Variants in PRUNE2 observed in about 807,000 individuals in gnomAD.
PRUNE2 encodes protein prune homolog 2.
A neutral mutation model predicts 252.0 loss-of-function variants in PRUNE2; 164 were observed. That is an observed-to-expected ratio of 0.65 (90% CI 0.57 to 0.74). PRUNE2 has a LOEUF of 0.74. Among genes scored for constraint, PRUNE2 ranks in the 30% least tolerant of loss-of-function variants. The pLI is 0.00. For missense variants in PRUNE2, 3,495 were observed against 3,711.0 expected (o/e 0.94, Z 1.51); for synonymous variants, 1,292 against 1,350.2 (o/e 0.96, Z 0.94).
intron 6 of PRUNE2, among the ~76,000 whole-genome samples, chr9:76,768,326 G>C (rs1035176251): frequency 2.0e-5 from 3 of 152,108 alleles, no homozygotes; most frequent in Non-Finnish European, 2.9e-5. Flanking sequence ...CCAAGTAGCT[G>C]GGATTACAGG....
Position 76,710,920 on chromosome 9 carries a change from C to G in PRUNE2, c.1354G>C (p.Val452Leu), listed in dbSNP as rs199800498. 1.9e-6 allele frequency: 3 copies of G among 1,561,740 alleles called. No individual in the cohort carries two copies. In the African/African-American group the frequency reaches 4.1e-5, roughly 21 times the overall value. The change falls in exon 8 of 19, where the codon GTG (valine) becomes CTG (leucine). Residue 452 changes from valine to leucine, a missense_variant. By Grantham distance (32) the Val-to-Leu change is conservative. Coordinates refer to ENST00000376718, the MANE Select transcript of PRUNE2 (RefSeq NM_015225.3). ...TGGTGAGGCCCAGCACCTTCTCCCACGGGGCTGTCGTCACTGAGGAAAACA... is the reference window on the plus strand; with the variant it reads ...TGGTGAGGCCCAGCACCTTCTCCCAGGGGGCTGTCGTCACTGAGGAAAACA... ...SSVFLSDDSP[V>L]GEGAGPHHTL...
intron 9 of PRUNE2, among the ~76,000 whole-genome samples, chr9:76,701,156 G>A (rs1410138796): frequency 1.3e-5 from 2 of 152,152 alleles, no homozygotes; most frequent in Non-Finnish European, 2.9e-5. Flanking sequence ...CTGAGTCGGA[G>A]CCGATAATTT....
chr9:76,683,013 C>A (rs896038478), intron 9 of PRUNE2, among the ~76,000 whole-genome samples: 6 of 152,182 alleles, frequency 3.9e-5, no homozygotes, highest in Non-Finnish European at 7.3e-5. Flanking sequence ...TAATAGTTAG[C>A]CCAGTGTCCT....
At chr9:76,753,430 T>C (rs1223378337) in intron 6 of PRUNE2, among the ~76,000 whole-genome samples, 1 of 152,178 alleles carries the variant, frequency 6.6e-6, no homozygotes, top group East Asian at 1.9e-4. Flanking sequence ...GGCCTGTGTT[T>C]TCTACTGCAA....
intron 9 of PRUNE2, among the ~76,000 whole-genome samples, chr9:76,680,362 C>A (rs1040390651): frequency 2.6e-5 from 4 of 151,944 alleles, no homozygotes; most frequent in Admixed American, 2.0e-4. Context: ...AAAAAACAAA[C>A]AAACAAAAAA....
At chr9:76,733,225 G>A (rs529058828) in intron 6 of PRUNE2, among the ~76,000 whole-genome samples, 11 of 152,216 alleles carry the variant, frequency 7.2e-5, no homozygotes, top group African/African-American at 2.6e-4. Context: ...AAAACAGATG[G>A]CAACATCTTC....
chr9:76,792,165 T>C (rs1293576526), intron 6 of PRUNE2, among the ~76,000 whole-genome samples: 2 of 151,962 alleles, frequency 1.3e-5, no homozygotes, highest in Non-Finnish European at 2.9e-5. Flanking sequence ...AGGGGCCTGG[T>C]GGGAGGTAAT....
chr9:76,723,824 T>TC (rs2047852562), intron 6 of PRUNE2, among the ~76,000 whole-genome samples: 1 of 151,462 alleles, frequency 6.6e-6, no homozygotes, highest in South Asian at 2.1e-4. Context: ...TTTTTTTTTT[T>TC]TGAGATGGAG....
chr9:76,781,193 A>G (rs975370753), intron 6 of PRUNE2, among the ~76,000 whole-genome samples: 3 of 152,136 alleles, frequency 2.0e-5, no homozygotes, highest in Admixed American at 6.5e-5. Context: ...CTTTATTTGC[A>G]TTGTTACCTG....
At chr9:76,768,597 G>GTC (rs2052723535) in intron 6 of PRUNE2, among the ~76,000 whole-genome samples, 1 of 148,516 alleles carries the variant, frequency 6.7e-6, no homozygotes, top group African/African-American at 2.6e-5. Flanking sequence ...GTGTGTGTGT[G>GTC]TGTGTGTGTG....
intron 6 of PRUNE2, among the ~76,000 whole-genome samples, chr9:76,819,702 G>A (rs1207118650): frequency 2.6e-5 from 4 of 152,144 alleles, no homozygotes; most frequent in Admixed American, 6.5e-5. Flanking sequence ...GAGTAAAGAC[G>A]CTAATAATGA....
At chr9:76,716,636 TA>T (rs1285830777) in intron 6 of PRUNE2, among the ~76,000 whole-genome samples, 1 of 152,228 alleles carries the variant, frequency 6.6e-6, no homozygotes, top group East Asian at 1.9e-4. Flanking sequence ...TCTTTTTCTT[TA>T]TTTTTTTTTC....
At chr9:76,844,471 A>G (rs150069624) in intron 4 of PRUNE2, among the ~76,000 whole-genome samples, 3,113 of 152,270 alleles carry the variant, frequency 0.02, 45 homozygotes, top group Non-Finnish European at 0.032. Context: ...TGCTTTTCCT[A>G]CAGCCTACAG....
At chr9:76,839,260 CAGG>C (rs1423036374) in intron 4 of PRUNE2, among the ~76,000 whole-genome samples, 13 of 152,250 alleles carry the variant, frequency 8.5e-5, no homozygotes, top group African/African-American at 2.9e-4. Context: ...TACTCTGTGC[CAGG>C]TACTGTTCTA....
chr9:76,760,856 T>G (rs2051648404), intron 6 of PRUNE2, among the ~76,000 whole-genome samples: 1 of 151,756 alleles, frequency 6.6e-6, no homozygotes, highest in Admixed American at 6.6e-5. Context: ...GAGGTGGAGG[T>G]GGGTGGATCA....
intron 1 of PRUNE2, among the ~76,000 whole-genome samples, chr9:76,867,191 C>T (rs1379979960): frequency 2.0e-5 from 3 of 151,658 alleles, no homozygotes; most frequent in African/African-American, 7.3e-5. Flanking sequence ...TCTCCCACAA[C>T]ACCATCAACC....
chr9:76,841,560 C>A (rs1343599037), intron 4 of PRUNE2, among the ~76,000 whole-genome samples: 1 of 152,212 alleles, frequency 6.6e-6, no homozygotes. Context: ...AAGCTAAGAT[C>A]CACTGGCTTG....
intron 6 of PRUNE2, among the ~76,000 whole-genome samples, chr9:76,745,192 G>A (rs926563437): frequency 2.0e-5 from 3 of 152,062 alleles, no homozygotes; most frequent in East Asian, 1.9e-4. Flanking sequence ...ATTATTCCTC[G>A]GTTTAGGCCA....
chr9:76,719,320 G>A lies in PRUNE2; in HGVS notation c.757-5599C>T, dbSNP rs2047425535. ...AATGAAAAAAGGATATATACCAATG[G>A]AAAAACTGTTACAAAACATAAAAGA... is the stretch of plus-strand genomic sequence containing the variant. On this transcript the variant is annotated intron_variant, in intron 6 of 18. Coordinates refer to ENST00000376718, the MANE Select transcript of PRUNE2 (RefSeq NM_015225.3). Among the ~76,000 whole-genome samples, 4 of 151,974 alleles carry A rather than the reference G, an allele frequency of 2.6e-5. No individual in the cohort carries two copies. In the South Asian group the frequency reaches 8.3e-4, roughly 32 times the overall value.
Sources: gnomAD v4.1 joint callset for allele counts (sites outside exome capture counted in the v4.1 genomes callset) on GRCh38, gnomAD v4.1.1 for gene constraint, MANE v1.5 for transcripts, NCBI Gene and HGNC (gene_info 2026-07-23, HGNC 2026-07-21) for gene names.